TAFA1: variants seen among roughly 807,000 people sequenced by gnomAD.
TAFA1 encodes the protein TAFA chemokine like family member 1.
In TAFA1, 4 loss-of-function variants were observed where a neutral mutation model predicts 18.5. The observed-to-expected ratio is 0.22, with a 90% CI of 0.11 to 0.49. The LOEUF (loss-of-function observed/expected upper bound fraction) is 0.49, where lower values mean the gene tolerates loss of function less well. Among genes scored for constraint, TAFA1 ranks in the 20% least tolerant of loss-of-function variants. TAFA1 has a pLI of 0.98. For synonymous variants in TAFA1, 56 were observed against 55.2 expected (o/e 1.01, Z -0.06); for missense variants, 147 against 169.0 (o/e 0.87, Z 0.72).
chr3:68,111,764 T>C (rs1352498279), intron 2 of TAFA1, among the ~76,000 whole-genome samples: 1 of 128,384 alleles, frequency 7.8e-6, no homozygotes, highest in Non-Finnish European at 1.6e-5. Flanking sequence ...AAATAATCCA[T>C]GACACACACA....
intron 2 of TAFA1, among the ~76,000 whole-genome samples, chr3:68,237,313 A>G (rs13066172): frequency 0.2 from 30,025 of 152,090 alleles, 3,646 homozygotes; most frequent in Middle Eastern, 0.31. Context: ...GTGAGGGCAG[A>G]GCTCTCATCA....
chr3:68,120,165 TTCTTTC>T (rs1559527456), intron 2 of TAFA1, among the ~76,000 whole-genome samples: 4 of 138,320 alleles, frequency 2.9e-5, no homozygotes, highest in Non-Finnish European at 4.5e-5. Flanking sequence ...TTCTTTCTCT[TTCTTTC>T]TCTTTCTTTC....
chr3:68,145,161 C>G, intron 2 of TAFA1: 1 of 843,516 alleles, frequency 1.2e-6, no homozygotes, highest in Non-Finnish European at 2.1e-6. Flanking sequence ...ATGAATAATG[C>G]AAGATATCTT....
At chr3:68,115,147 A>C (rs1224770609) in intron 2 of TAFA1, among the ~76,000 whole-genome samples, 2 of 152,218 alleles carry the variant, frequency 1.3e-5, no homozygotes, top group Admixed American at 6.5e-5. Flanking sequence ...GCCTTCTGGA[A>C]CACTGGCAAA....
At chr3:68,517,244 A>C (rs1268825439) in intron 3 of TAFA1, among the ~76,000 whole-genome samples, 1 of 152,240 alleles carries the variant, frequency 6.6e-6, no homozygotes, top group Admixed American at 6.5e-5. Context: ...TATAATCAGT[A>C]ATCTTTTTAT....
chr3:68,388,987 G>C (rs1484020050), intron 2 of TAFA1, among the ~76,000 whole-genome samples: 2 of 152,114 alleles, frequency 1.3e-5, no homozygotes, highest in African/African-American at 4.8e-5. Context: ...TACAATGAAA[G>C]TAAGAAAAGT....
intron 2 of TAFA1, among the ~76,000 whole-genome samples, chr3:68,248,786 G>T (rs576783470): frequency 7.3e-5 from 11 of 151,628 alleles, no homozygotes; most frequent in Admixed American, 7.2e-4. Flanking sequence ...AAGTTTGCCA[G>T]GTGCAGGTCA....
At chr3:68,045,574 T>C (rs1705250999) in intron 2 of TAFA1, among the ~76,000 whole-genome samples, 1 of 152,166 alleles carries the variant, frequency 6.6e-6, no homozygotes, top group Non-Finnish European at 1.5e-5. Flanking sequence ...GATGAGATTC[T>C]GCTACTAGAT....
At chr3:68,405,699 CAAAAAAAAAAAAAAAAAAAAA>C (rs56258198) in intron 2 of TAFA1, among the ~76,000 whole-genome samples, 2,934 of 32,858 alleles carry the variant, frequency 0.089, 94 homozygotes, top group Admixed American at 0.14. Flanking sequence ...GACTCTATCT[CAAAAAAAAAAAAAAAAAAAAA>C]AAAAAAAAAA....
chr3:68,519,043 G>T (rs180725930), intron 3 of TAFA1, among the ~76,000 whole-genome samples: 1 of 152,286 alleles, frequency 6.6e-6, no homozygotes, highest in East Asian at 1.9e-4. Flanking sequence ...ATATCAAGGT[G>T]GTTGAGCTTG....
intron 2 of TAFA1, among the ~76,000 whole-genome samples, chr3:68,287,145 A>C: frequency 6.6e-6 from 1 of 152,226 alleles, no homozygotes; most frequent in South Asian, 2.1e-4. Context: ...CCCTCAGTTA[A>C]TTTACTTTCC....
At chr3:68,330,802 G>C (rs73836902) in intron 2 of TAFA1, among the ~76,000 whole-genome samples, 2,034 of 152,210 alleles carry the variant, frequency 0.013, 43 homozygotes, top group African/African-American at 0.045. Context: ...CTGAAAGACT[G>C]CCTTAATGGT....
intron 2 of TAFA1, among the ~76,000 whole-genome samples, chr3:68,397,240 C>T (rs147565018): frequency 6.6e-6 from 1 of 152,098 alleles, no homozygotes; most frequent in Non-Finnish European, 1.5e-5. Flanking sequence ...GGTTGCTGCA[C>T]CCATCAACCC....
chr3:68,069,098 A>T (rs1287142223), intron 2 of TAFA1, among the ~76,000 whole-genome samples: 1 of 152,216 alleles, frequency 6.6e-6, no homozygotes, highest in Non-Finnish European at 1.5e-5. Flanking sequence ...AGGTGTTGCT[A>T]AGACTGGACT....
intron 2 of TAFA1, among the ~76,000 whole-genome samples, chr3:68,167,492 G>C (rs1276389887): frequency 6.6e-6 from 1 of 151,492 alleles, no homozygotes; most frequent in Non-Finnish European, 1.5e-5. Flanking sequence ...CAGGAGAATG[G>C]CCTGGACCTG....
intron 3 of TAFA1, among the ~76,000 whole-genome samples, chr3:68,466,652 A>G: frequency 6.6e-6 from 1 of 152,118 alleles, no homozygotes; most frequent in East Asian, 1.9e-4. Flanking sequence ...TCCTGATGAT[A>G]AACACTGTTT....
chr3:68,129,164 G>A (rs2065508572), intron 2 of TAFA1, among the ~76,000 whole-genome samples: 1 of 152,192 alleles, frequency 6.6e-6, no homozygotes, highest in Non-Finnish European at 1.5e-5. Context: ...GTACAGATAA[G>A]TTAGCCAGAA....
chr3:68,371,730 T>G (rs2069710695), intron 2 of TAFA1, among the ~76,000 whole-genome samples: 2 of 152,172 alleles, frequency 1.3e-5, no homozygotes, highest in Non-Finnish European at 2.9e-5. Context: ...AAGATAGATG[T>G]TGCAAACTCA....
intron 2 of TAFA1, among the ~76,000 whole-genome samples, chr3:68,153,452 G>A (rs6549021): frequency 0.14 from 21,959 of 152,152 alleles, 1,932 homozygotes; most frequent in Middle Eastern, 0.2. Context: ...GGAAAGAATA[G>A]GAATTTTGCT....
Sources: allele counts gnomAD v4.1 joint callset (sites outside exome capture counted in the v4.1 genomes callset), GRCh38; gene constraint gnomAD v4.1.1; transcripts MANE v1.5; gene names NCBI Gene and HGNC (gene_info 2026-07-23, HGNC 2026-07-21).